CHST8: variants seen among roughly 807,000 people sequenced by gnomAD.
CHST8 encodes the protein GALNAC-4-ST1.
CHST8 carries 10 observed loss-of-function variants against 15.0 expected under a neutral mutation model. That is an observed-to-expected ratio of 0.67 (90% CI 0.41 to 1.13). CHST8 has a LOEUF of 1.13. Among genes scored for constraint, CHST8 ranks in the 50% most tolerant of loss-of-function variants. CHST8 has a pLI of 0.00. For synonymous variants in CHST8, 259 were observed against 256.6 expected (o/e 1.01, Z -0.09); for missense variants, 634 against 608.2 (o/e 1.04, Z -0.45).
At chr19:33,639,176 A>G (rs909986267) in intron 1 of CHST8, among the ~76,000 whole-genome samples, 9 of 152,130 alleles carry the variant, frequency 5.9e-5, no homozygotes, top group Admixed American at 2.0e-4. Flanking sequence ...AAATGGCCCA[A>G]ACTGCTGCCA....
At chr19:33,642,912 T>C (rs1049707239) in intron 1 of CHST8, among the ~76,000 whole-genome samples, 2 of 152,254 alleles carry the variant, frequency 1.3e-5, no homozygotes, top group Non-Finnish European at 2.9e-5. Context: ...TTCTTTTCCA[T>C]GGTGATGAAT....
chr19:33,729,753 G>A (rs1973962557), intron 3 of CHST8, among the ~76,000 whole-genome samples: 1 of 152,192 alleles, frequency 6.6e-6, no homozygotes. Context: ...CTCAAATCCA[G>A]CTCCCCAAGG....
intron 3 of CHST8, among the ~76,000 whole-genome samples, chr19:33,693,225 C>T (rs537509239): frequency 1.3e-5 from 2 of 152,204 alleles, no homozygotes; most frequent in Non-Finnish European, 2.9e-5. Flanking sequence ...AGGCTGATCT[C>T]GAATCCCCAA....
chr19:33,681,336 C>T (rs1436669325), intron 2 of CHST8, among the ~76,000 whole-genome samples: 1 of 152,156 alleles, frequency 6.6e-6, no homozygotes, highest in Non-Finnish European at 1.5e-5. Context: ...TTGACACTTG[C>T]AGTGTGGCCT....
At chr19:33,698,946 A>G (rs902369550) in intron 3 of CHST8, among the ~76,000 whole-genome samples, 3 of 152,134 alleles carry the variant, frequency 2.0e-5, no homozygotes, top group African/African-American at 7.2e-5. Context: ...GGGGAGGGCT[A>G]TGGGAGAGCC....
chr19:33,759,123 AC>A (rs1190751115), intron 3 of CHST8, among the ~76,000 whole-genome samples: 1 of 151,162 alleles, frequency 6.6e-6, no homozygotes, highest in Non-Finnish European at 1.5e-5. Context: ...TGAGCCAAAC[AC>A]CCCCCACCAG....
At chr19:33,642,255 C>T (rs1436041643) in intron 1 of CHST8, among the ~76,000 whole-genome samples, 3 of 152,190 alleles carry the variant, frequency 2.0e-5, no homozygotes, top group Admixed American at 2.0e-4. Context: ...GAGTCTGGCC[C>T]ACTCCCCCAG....
chr19:33,706,370 C>A (rs1442035907), intron 3 of CHST8, among the ~76,000 whole-genome samples: 1 of 152,174 alleles, frequency 6.6e-6, no homozygotes, highest in African/African-American at 2.4e-5. Flanking sequence ...GCATCTGGCC[C>A]TCACCCATAA....
chr19:33,725,764 C>T (rs1973883897), intron 3 of CHST8, among the ~76,000 whole-genome samples: 1 of 152,224 alleles, frequency 6.6e-6, no homozygotes, highest in Non-Finnish European at 1.5e-5. Flanking sequence ...CAGCCTCGGC[C>T]AGCCCCTTAT....
intron 2 of CHST8, among the ~76,000 whole-genome samples, chr19:33,680,990 C>A (rs528066401): frequency 6.6e-6 from 1 of 152,276 alleles, no homozygotes; most frequent in African/African-American, 2.4e-5. Context: ...CCAATTGTAA[C>A]GGTTTGCAAA....
chr19:33,698,397 AAAAAAG>A (rs1290810453), intron 3 of CHST8, among the ~76,000 whole-genome samples: 4 of 149,774 alleles, frequency 2.7e-5, no homozygotes, highest in African/African-American at 1.0e-4. Flanking sequence ...AGAAAAAAAA[AAAAAAG>A]AAAGAAAGAA....
intron 3 of CHST8, among the ~76,000 whole-genome samples, chr19:33,762,499 A>G (rs1974754489): frequency 6.6e-6 from 1 of 152,204 alleles, no homozygotes; most frequent in African/African-American, 2.4e-5. Flanking sequence ...TAAACGAAAC[A>G]AGTGCGGTCA....
intron 3 of CHST8, among the ~76,000 whole-genome samples, chr19:33,744,956 C>T (rs1568352437): frequency 1.3e-5 from 2 of 152,098 alleles, no homozygotes; most frequent in African/African-American, 4.8e-5. Context: ...ACCGTGTTGG[C>T]CAGGGTGGTC....
intron 3 of CHST8, among the ~76,000 whole-genome samples, chr19:33,693,955 G>T (rs1234891659): frequency 2.0e-5 from 3 of 150,976 alleles, no homozygotes; most frequent in Non-Finnish European, 4.4e-5. Context: ...AAGTGGAATG[G>T]ATTTTGTTTT....
intron 2 of CHST8, among the ~76,000 whole-genome samples, chr19:33,685,464 C>T (rs1972961150): frequency 1.3e-5 from 2 of 151,624 alleles, no homozygotes; most frequent in Non-Finnish European, 2.9e-5. Context: ...CTGCTGGAAA[C>T]TCGCTGGGGC....
At chr19:33,766,681 G>A (rs1974853504) in intron 3 of CHST8, among the ~76,000 whole-genome samples, 1 of 152,250 alleles carries the variant, frequency 6.6e-6, no homozygotes, top group African/African-American at 2.4e-5. Flanking sequence ...TACTGCACGT[G>A]CTGAGGACCA....
intron 3 of CHST8, among the ~76,000 whole-genome samples, chr19:33,699,602 G>A (rs977836597): frequency 6.6e-6 from 1 of 152,100 alleles, no homozygotes; most frequent in Non-Finnish European, 1.5e-5. Flanking sequence ...GCTGCTATGC[G>A]TCATGCCTAA....
intron 1 of CHST8, among the ~76,000 whole-genome samples, chr19:33,658,782 A>G (rs1485655716): frequency 1.3e-5 from 2 of 152,112 alleles, no homozygotes; most frequent in Admixed American, 1.3e-4. Context: ...GAACATTCTC[A>G]GCCATTATCC....
chr19:33,750,993 A>AG (rs1283924784), intron 3 of CHST8, among the ~76,000 whole-genome samples: 1 of 146,260 alleles, frequency 6.8e-6, no homozygotes, highest in Non-Finnish European at 1.5e-5. Flanking sequence ...GACAAGGGGG[A>AG]GTGATGGGGA....
Sources: gnomAD v4.1 joint callset for allele counts (sites outside exome capture counted in the v4.1 genomes callset) on GRCh38, gnomAD v4.1.1 for gene constraint, MANE v1.5 for transcripts, NCBI Gene and HGNC (gene_info 2026-07-23, HGNC 2026-07-21) for gene names.